Variants in LRRC37B observed in about 807,000 individuals in gnomAD.
LRRC37B encodes leucine-rich repeat-containing protein 37B.
LRRC37B carries 28 observed loss-of-function variants against 98.3 expected under a neutral mutation model. The ratio of observed to expected loss-of-function variants is 0.28; its 90% confidence interval spans 0.21 to 0.39. The LOEUF (loss-of-function observed/expected upper bound fraction) is 0.39, where lower values mean the gene tolerates loss of function less well. Ranked by LOEUF, LRRC37B falls within the 10% of genes least tolerant of loss-of-function variation. The pLI is 1.00. For missense variants in LRRC37B, 938 were observed against 1,182.7 expected (o/e 0.79, Z 3.03); for synonymous variants, 364 against 442.7 (o/e 0.82, Z 2.23).
At chr17:32,032,460 A>G (rs568233728) in intron 5 of LRRC37B, among the ~76,000 whole-genome samples, 4 of 152,264 alleles carry the variant, frequency 2.6e-5, no homozygotes, top group African/African-American at 7.2e-5. Flanking sequence ...CAAAAATTCT[A>G]TGATTTCTCT....
At chr17:32,039,575 A>G (rs1315266948) in intron 7 of LRRC37B, among the ~76,000 whole-genome samples, 1 of 125,978 alleles carries the variant, frequency 7.9e-6, no homozygotes, top group Non-Finnish European at 1.6e-5. Context: ...ATATATTTCT[A>G]TATATATTTT....
At position 32,014,834 on chromosome 17, in the gene LRRC37B, C is replaced by T. The variant is rs534357143; in HGVS notation, c.-190-3138C>T. On this transcript the variant is annotated intron_variant, in intron 1 of 14. Coordinates refer to the LRRC37B transcript ENST00000543378. ...TTAAAGTGCTCAGCACAATGTCTGGCAAATAGCACTCTATAGGCCAGGCAT... is the reference window on the plus strand; with the variant it reads ...TTAAAGTGCTCAGCACAATGTCTGGTAAATAGCACTCTATAGGCCAGGCAT... 3.3e-5 allele frequency among the ~76,000 whole-genome samples: 5 copies of T among 152,180 alleles called. No individual in the cohort carries two copies. In the East Asian group the frequency reaches 9.6e-4, roughly 29 times the overall value.
At chr17:32,012,588 C>G (rs769936329) in intron 1 of LRRC37B, among the ~76,000 whole-genome samples, 2 of 151,808 alleles carry the variant, frequency 1.3e-5, no homozygotes, top group Non-Finnish European at 1.5e-5. Flanking sequence ...TGGTGGCACA[C>G]GTCTGTAGTC....
upstream of LRRC37B, among the ~76,000 whole-genome samples, chr17:32,019,137 G>T (rs1234414024): frequency 2.0e-5 from 3 of 152,186 alleles, no homozygotes; most frequent in African/African-American, 7.2e-5. Flanking sequence ...ATGTTGGCCA[G>T]ACTGGTCTCG....
intron 1 of LRRC37B, 45 bp downstream of exon 1, chr17:32,008,177 C>T (rs1011867012): frequency 4.1e-6 from 1 of 241,776 alleles, no homozygotes; most frequent in African/African-American, 2.3e-5. Flanking sequence ...CCCACCTCCT[C>T]TCCCCTCCCC....
At chr17:32,035,017 A>T in intron 6 of LRRC37B, 36 bp downstream of exon 9, 1 of 1,350,384 alleles carries the variant, frequency 7.4e-7, no homozygotes, top group Non-Finnish European at 1.0e-6. Context: ...TCATGAGATG[A>T]TTTATGCTTT....
exon 1 of LRRC37B, chr17:32,021,269 C>T (rs1910766589): frequency 6.2e-7 from 1 of 1,613,024 alleles, no homozygotes; most frequent in Non-Finnish European, 8.5e-7. Flanking sequence ...CCTCTAACCC[C>T]CTGGGGCCAC....
chr17:32,016,371 C>A (rs1910648854), upstream of LRRC37B, among the ~76,000 whole-genome samples: 1 of 152,198 alleles, frequency 6.6e-6, no homozygotes, highest in South Asian at 2.1e-4. Flanking sequence ...CTCCGTTTTT[C>A]TTCAGAATTC....
chr17:32,035,217 C>T (rs1911214369), intron 6 of LRRC37B, among the ~76,000 whole-genome samples: 1 of 151,892 alleles, frequency 6.6e-6, no homozygotes, highest in Admixed American at 6.6e-5. Context: ...CATGTAGACA[C>T]ATGGAGGAAT....
intron 5 of LRRC37B, among the ~76,000 whole-genome samples, chr17:32,034,504 C>CAA (rs35735718): frequency 9.6e-4 from 42 of 43,782 alleles, no homozygotes; most frequent in African/African-American, 2.2e-3. Context: ...ACTCCATCTC[C>CAA]AAAAAAAAAA....
chr17:32,011,435 G>C (rs768835998), intron 1 of LRRC37B, among the ~76,000 whole-genome samples: 2 of 152,158 alleles, frequency 1.3e-5, no homozygotes, highest in Non-Finnish European at 2.9e-5. Flanking sequence ...TAGGGCTCAA[G>C]CAATCTTCCT....
chr17:32,049,206 T>C (rs753776177), exon 10 of LRRC37B: 14 of 1,614,118 alleles, frequency 8.7e-6, no homozygotes, highest in Non-Finnish European at 1.2e-5. Flanking sequence ...GAAAATGGAA[T>C]GTTCAGAAAC....
At chr17:32,030,069 C>T (rs2142247807) in intron 3 of LRRC37B, among the ~76,000 whole-genome samples, 1 of 152,208 alleles carries the variant, frequency 6.6e-6, no homozygotes, top group African/African-American at 2.4e-5. Context: ...AGCCCCATCT[C>T]TGTATAACTG....
chr17:32,049,630 G>T (rs931270161), intron 10 of LRRC37B, among the ~76,000 whole-genome samples: 5 of 152,168 alleles, frequency 3.3e-5, no homozygotes, highest in Admixed American at 6.5e-5. Context: ...ACTTTGGGAG[G>T]CCGAGGTGGG....
chr17:32,007,957 C>A (rs774806671), upstream of LRRC37B: 1 of 536,590 alleles, frequency 1.9e-6, no homozygotes, highest in Non-Finnish European at 3.0e-6. This position sits in a 1 kb window ranked among gnomAD's most constrained non-coding sequence, Gnocchi z 4.1. Context: ...ACTACGAGAG[C>A]GAGGAGGAGG....
chr17:32,044,468 G>T (rs540806320), intron 7 of LRRC37B, among the ~76,000 whole-genome samples: 2,102 of 146,402 alleles, frequency 0.014, no homozygotes, highest in African/African-American at 0.047. Context: ...GAGATTCAAG[G>T]TAAGCATCTT....
intron 7 of LRRC37B, chr17:32,041,431 A>T (rs759266047): frequency 5.5e-6 from 4 of 728,936 alleles, no homozygotes; most frequent in South Asian, 5.4e-5. Flanking sequence ...ACGCTGATCA[A>T]CCAGATCAAC....
At chr17:32,040,922 G>A (rs1251954553) in intron 7 of LRRC37B, 18 of 966,440 alleles carry the variant, frequency 1.9e-5, no homozygotes, top group Non-Finnish European at 1.9e-5. Flanking sequence ...GCCGCCGCCT[G>A]GACTTTGACT....
chr17:32,023,349 C>T (rs997729988), intron 1 of LRRC37B, among the ~76,000 whole-genome samples: 7 of 152,162 alleles, frequency 4.6e-5, no homozygotes, highest in African/African-American at 1.7e-4. Flanking sequence ...TCTTGAACTC[C>T]TGACCTCAGG....
Sources: allele counts gnomAD v4.1 joint callset (sites outside exome capture counted in the v4.1 genomes callset), GRCh38; gene constraint gnomAD v4.1.1; non-coding constraint Gnocchi (gnomAD v3.1); transcripts MANE v1.5; gene names NCBI Gene and HGNC (gene_info 2026-07-23, HGNC 2026-07-21).